The following CAMKMT variants were observed in gnomAD, a reference collection of about 807,000 sequenced individuals.
CAMKMT encodes CaM KMT.
CAMKMT carries 53 observed loss-of-function variants against 48.0 expected under a neutral mutation model. The observed-to-expected ratio is 1.10, with a 90% confidence interval of 0.89 to 1.39. CAMKMT has a LOEUF of 1.39. Ranked by LOEUF, CAMKMT falls within the 40% of genes most tolerant of loss-of-function variation. The pLI, the probability that CAMKMT is intolerant of heterozygous loss-of-function variation, is 0.00. For missense variants in CAMKMT, 428 were observed against 402.7 expected, an observed-to-expected ratio of 1.06 and a Z score of -0.54; for synonymous variants, 165 against 152.3, an observed-to-expected ratio of 1.08 and a Z score of -0.61.
intron 2 of CAMKMT, among the ~76,000 whole-genome samples, chr2:44,375,702 C>T (rs1432840220): frequency 6.6e-6 from 1 of 151,776 alleles, no homozygotes; most frequent in Non-Finnish European, 1.5e-5. Context: ...TCATCAGAGG[C>T]TACTGAGAAG....
intron 3 of CAMKMT, among the ~76,000 whole-genome samples, chr2:44,427,949 T>A (rs1477195322): frequency 6.6e-6 from 1 of 152,024 alleles, no homozygotes; most frequent in African/African-American, 2.4e-5. Flanking sequence ...GTCTCTGGGG[T>A]GAATGTCTTT....
At chr2:44,691,603 T>C (rs1024417963) in intron 3 of CAMKMT, among the ~76,000 whole-genome samples, 6 of 152,226 alleles carry the variant, frequency 3.9e-5, no homozygotes, top group African/African-American at 7.2e-5. Context: ...ATGCTCCTTA[T>C]CTGCCCTTCT....
chr2:44,502,294 T>C (rs1429973207), intron 3 of CAMKMT, among the ~76,000 whole-genome samples: 1 of 88,544 alleles, frequency 1.1e-5, no homozygotes, highest in East Asian at 2.2e-4. Context: ...AATTGTTGTA[T>C]CTCTCCCCTA....
intron 7 of CAMKMT, among the ~76,000 whole-genome samples, chr2:44,740,391 A>G (rs1679610825): frequency 6.6e-6 from 1 of 152,038 alleles, no homozygotes; most frequent in African/African-American, 2.4e-5. Flanking sequence ...CGGTCTCCCA[A>G]AGTGCTAGGA....
At chr2:44,475,980 A>G (rs533905818) in intron 3 of CAMKMT, among the ~76,000 whole-genome samples, 28 of 152,368 alleles carry the variant, frequency 1.8e-4, no homozygotes, top group Non-Finnish European at 2.8e-4. Flanking sequence ...AATGTATGGT[A>G]CCATAAATAC....
chr2:44,400,744 C>G (rs1369001844), intron 3 of CAMKMT: 3 of 151,550 alleles, frequency 2.0e-5, no homozygotes, highest in African/African-American at 7.2e-5. Flanking sequence ...AAAAAATAAG[C>G]TAACACTATT....
intron 3 of CAMKMT, chr2:44,676,776 G>A (rs1675717284): frequency 2.0e-5 from 3 of 152,226 alleles, no homozygotes; most frequent in African/African-American, 7.2e-5. Flanking sequence ...AATGAGCAAG[G>A]TATGTTGATC....
intron 3 of CAMKMT, among the ~76,000 whole-genome samples, chr2:44,505,236 TG>T (rs1335371289): frequency 2.0e-5 from 3 of 152,104 alleles, no homozygotes; most frequent in Non-Finnish European, 4.4e-5. Context: ...ACTTTCTAAT[TG>T]TTTTTTTTTA....
intron 3 of CAMKMT, among the ~76,000 whole-genome samples, chr2:44,635,439 A>G (rs543528502): frequency 3.9e-5 from 6 of 152,338 alleles, no homozygotes; most frequent in East Asian, 3.9e-4. Flanking sequence ...TTGTACTGAT[A>G]TATACACTGT....
Position 44,613,478 on chromosome 2 carries a change from A to G in CAMKMT, c.377-90805A>G, listed in dbSNP as rs542421589. Among the ~76,000 whole-genome samples the G allele has an allele frequency of 5.7e-4, 87 of 152,318 alleles. No individual in the cohort carries two copies. In the South Asian group the frequency reaches 7.1e-3, roughly 12 times the overall value. ...CATCATTCTGATTGGTCAGGACTGT[A>G]TGCTGTGCCAGTTGTTAAAATATTT... On this transcript the variant is annotated intron_variant, in intron 3 of 10. Transcript: ENST00000378494.
chr2:44,418,595 T>C (rs1683726880), intron 3 of CAMKMT, among the ~76,000 whole-genome samples: 1 of 152,240 alleles, frequency 6.6e-6, no homozygotes, highest in African/African-American at 2.4e-5. Context: ...TTCTGTTTCA[T>C]TGATCCATCT....
At chr2:44,614,583 T>C (rs1043782505) in intron 3 of CAMKMT, among the ~76,000 whole-genome samples, 2 of 151,988 alleles carry the variant, frequency 1.3e-5, no homozygotes, top group African/African-American at 4.8e-5. Flanking sequence ...GTATAACAGA[T>C]GGTGATAAGT....
chr2:44,588,298 GA>G (rs1383510276), intron 3 of CAMKMT, among the ~76,000 whole-genome samples: 12 of 63,580 alleles, frequency 1.9e-4, no homozygotes, highest in Admixed American at 9.3e-4. Context: ...CCCCGTCCGG[GA>G]GGGAGGGGGG....
intron 3 of CAMKMT, among the ~76,000 whole-genome samples, chr2:44,573,255 G>A (rs941708457): frequency 2.0e-5 from 3 of 152,074 alleles, no homozygotes; most frequent in African/African-American, 4.8e-5. Flanking sequence ...GTCTATCCAA[G>A]TTCTTTGTCC....
chr2:44,536,060 C>T (rs1666755924), intron 3 of CAMKMT, among the ~76,000 whole-genome samples: 1 of 152,268 alleles, frequency 6.6e-6, no homozygotes, highest in South Asian at 2.1e-4. Flanking sequence ...CATTTCTATA[C>T]ACCAATAATG....
chr2:44,441,995 G>A (rs1035258437), intron 3 of CAMKMT, among the ~76,000 whole-genome samples: 5 of 152,154 alleles, frequency 3.3e-5, no homozygotes, highest in South Asian at 2.1e-4. Context: ...GAGGCTGCCC[G>A]ATAGCACTTT....
At position 44,504,811 on chromosome 2, in the gene CAMKMT, G is replaced by T. The variant is rs1027104486; in HGVS notation, c.376+114506G>T. On this transcript the variant is annotated intron_variant, in intron 3 of 10. Transcript: ENST00000378494. ...GTGTCTTGCCCATTGTGTTAGTCTGGTTTTTTGTTGCTATGAAGGAATATC... is the reference window on the plus strand; with the variant it reads ...GTGTCTTGCCCATTGTGTTAGTCTGTTTTTTTGTTGCTATGAAGGAATATC... 6.6e-5 allele frequency among the ~76,000 whole-genome samples: 10 copies of T among 152,122 alleles called. No homozygotes were observed. In the South Asian group the frequency reaches 1.2e-3, roughly 19 times the overall value.
intron 3 of CAMKMT, among the ~76,000 whole-genome samples, chr2:44,453,610 A>G (rs1479303451): frequency 6.6e-6 from 1 of 152,064 alleles, no homozygotes; most frequent in East Asian, 1.9e-4. Context: ...TAGAGAATGG[A>G]TTCAGTTTGG....
intron 3 of CAMKMT, among the ~76,000 whole-genome samples, chr2:44,517,488 G>T (rs1670891218): frequency 6.6e-6 from 1 of 152,234 alleles, no homozygotes; most frequent in Non-Finnish European, 1.5e-5. Context: ...AAGTCAAAAA[G>T]ATGGTTTCCT....
Sources: gnomAD v4.1 joint callset for allele counts (sites outside exome capture counted in the v4.1 genomes callset) on GRCh38, gnomAD v4.1.1 for gene constraint, MANE v1.5 for transcripts, NCBI Gene and HGNC (gene_info 2026-07-23, HGNC 2026-07-21) for gene names.